The following SLCO3A1 variants were observed in gnomAD, a reference collection of about 807,000 sequenced individuals.
The protein encoded by SLCO3A1 is PGE1 transporter.
In SLCO3A1, 27 loss-of-function variants were observed where a neutral mutation model predicts 63.1. That is an observed-to-expected ratio of 0.43 (90% confidence interval 0.32 to 0.59). The LOEUF is 0.59. Ranked by LOEUF, SLCO3A1 falls within the 20% of genes least tolerant of loss-of-function variation. SLCO3A1 has a pLI of 0.09. For missense variants in SLCO3A1, 773 were observed against 945.8 expected (o/e 0.82, Z 2.40); for synonymous variants, 473 against 409.9 (o/e 1.15, Z -1.86).
chr15:91,950,906 G>C lies in SLCO3A1; in HGVS notation c.646+34448G>C, dbSNP rs1478443672. 6.8e-6 allele frequency among the ~76,000 whole-genome samples: 1 copy of C among 147,924 alleles called. No homozygotes were observed. Among genetic ancestry groups the C allele is most frequent in the Non-Finnish European group, 1.5e-5 (1 of 66,600 alleles). ...GGTGGCTTATATCCAATCTGAGAAA[G>C]AAAGAAAAAAAAAAAAGTATTTCTC... On this transcript the variant is annotated intron_variant, in intron 2 of 9. Transcript: ENST00000318445. This position sits in a 1 kb window ranked among gnomAD's most constrained non-coding sequence, Gnocchi z 4.4.
chr15:91,888,295 G>A (rs1320067826), intron 1 of SLCO3A1, among the ~76,000 whole-genome samples: 1 of 152,174 alleles, frequency 6.6e-6, no homozygotes, highest in African/African-American at 2.4e-5. Context: ...AGACTGGCCC[G>A]TCGAATCAGT....
In SLCO3A1 at chr15:91,929,625, T is replaced by C. The variant is rs554539263; in HGVS notation, c.646+13167T>C. Among the ~76,000 whole-genome samples, 6 of 152,344 alleles carry C rather than the reference T, an allele frequency of 3.9e-5. No individual in the cohort carries two copies. In the East Asian group the frequency reaches 1.2e-3, roughly 29 times the overall value. ...TTTGATAGTGTTAAGCACATTCACA[T>C]TGTTGTGCAACAGATGTCCAGAACA... On this transcript the variant is annotated intron_variant, in intron 2 of 9. Transcript: ENST00000318445.
chr15:92,082,411 A>G (rs1447805764), intron 2 of SLCO3A1, among the ~76,000 whole-genome samples: 3 of 152,196 alleles, frequency 2.0e-5, no homozygotes, highest in Non-Finnish European at 4.4e-5. Context: ...AAGGATGTTC[A>G]AGCAGCCTGG....
chr15:92,140,543 C>A (rs1029605019), intron 7 of SLCO3A1, among the ~76,000 whole-genome samples: 23 of 152,214 alleles, frequency 1.5e-4, no homozygotes, highest in African/African-American at 5.5e-4. Flanking sequence ...TGTTGACTTT[C>A]TGTCTCGTTG....
Position 91,968,694 on chromosome 15 carries a change from C to A in SLCO3A1, c.646+52236C>A, listed in dbSNP as rs1309512962. ...GACAGAGAAAGGGTGCACACGCAGA[C>A]CCGCAAGCACAGCCTTCGCACGTGT... is the stretch of plus-strand genomic sequence containing the variant. On this transcript the variant is annotated intron_variant, in intron 2 of 9. Transcript: ENST00000318445. The surrounding 1 kb of genome is among the most constrained non-coding windows in gnomAD (Gnocchi z 4.2). Among the ~76,000 whole-genome samples the A allele has an allele frequency of 6.6e-6, 1 of 152,220 alleles. No individual in the cohort carries two copies. The highest frequency in any genetic ancestry group is 1.5e-5 in the Non-Finnish European group (1 of 68,040).
chr15:92,069,077 T>G (rs2047184628), intron 2 of SLCO3A1, among the ~76,000 whole-genome samples: 1 of 151,412 alleles, frequency 6.6e-6, no homozygotes, highest in Non-Finnish European at 1.5e-5. Context: ...TCAGTGCTTC[T>G]CATTCAAGGG....
intron 2 of SLCO3A1, among the ~76,000 whole-genome samples, chr15:92,087,950 A>T (rs530965653): frequency 8.3e-4 from 126 of 152,314 alleles, no homozygotes; most frequent in African/African-American, 2.8e-3. Flanking sequence ...CCCTTCTTGT[A>T]GACTTAGTGA....
intron 2 of SLCO3A1, among the ~76,000 whole-genome samples, chr15:92,020,238 C>CTA (rs71465724): frequency 0.019 from 1,849 of 98,318 alleles, 29 homozygotes; most frequent in African/African-American, 0.071. Context: ...CACACACACA[C>CTA]TATATATATA....
At position 91,916,229 on chromosome 15, in the gene SLCO3A1, G is replaced by A. The variant is rs1035601884; in HGVS notation, c.417G>A (p.Glu139=). The change falls in exon 2 of 10, where the codon GAG becomes GAA. Residue 139 remains glutamate (E), a synonymous_variant. Coordinates refer to ENST00000318445, the MANE Select transcript of SLCO3A1 (RefSeq NM_013272.4). This position sits in a 1 kb window ranked among gnomAD's most constrained non-coding sequence, Gnocchi z 6.2. ...ACCAGTACAAGTACGAGGCGGGCGA[G>A]ATCCGCTGGGGCGCCGAGGGCCGCG... ...LTHQYKYEAG[E]IRWGAEGRDV... is the part of the protein sequence containing the mutation. The A allele has an allele frequency of 3.2e-6, 5 of 1,573,692 alleles. No individual in the cohort carries two copies. In the Admixed American group the frequency reaches 7.4e-5, roughly 23 times the overall value.
chr15:92,156,270 A>AT (rs1346325162), intron 9 of SLCO3A1, among the ~76,000 whole-genome samples: 8 of 151,936 alleles, frequency 5.3e-5, no homozygotes, highest in Admixed American at 5.2e-4. Context: ...TGCATGGAAG[A>AT]CCCCTTCCAC....
chr15:92,024,901 C>G (rs2046552569), intron 2 of SLCO3A1, among the ~76,000 whole-genome samples: 1 of 152,108 alleles, frequency 6.6e-6, no homozygotes, highest in African/African-American at 2.4e-5. Context: ...GTCTACCTAC[C>G]CATCCATCCT....
At chr15:92,144,243 A>G (rs766015087) in intron 7 of SLCO3A1, among the ~76,000 whole-genome samples, 2 of 152,184 alleles carry the variant, frequency 1.3e-5, no homozygotes, top group Non-Finnish European at 2.9e-5. Flanking sequence ...TTAGAAACAC[A>G]TATACATGAT....
intron 2 of SLCO3A1, among the ~76,000 whole-genome samples, chr15:91,936,935 A>G (rs1899433766): frequency 6.6e-6 from 1 of 152,218 alleles, no homozygotes; most frequent in Non-Finnish European, 1.5e-5. Context: ...TATGGGGCAC[A>G]TAAGGCTTTC....
At chr15:92,126,437 C>T (rs989121528) in intron 6 of SLCO3A1, among the ~76,000 whole-genome samples, 178 bp downstream of exon 6, 1 of 152,170 alleles carries the variant, frequency 6.6e-6, no homozygotes, top group African/African-American at 2.4e-5. Flanking sequence ...GCTGAGAAAG[C>T]AGACCTTTCC....
intron 4 of SLCO3A1, among the ~76,000 whole-genome samples, chr15:92,111,437 T>G (rs1021409804): frequency 1.3e-5 from 2 of 152,202 alleles, no homozygotes; most frequent in African/African-American, 4.8e-5. Context: ...TTCCTGTGTG[T>G]GGATTTCCTG....
chr15:91,907,309 A>C (rs1266852703), intron 1 of SLCO3A1, among the ~76,000 whole-genome samples: 3 of 151,712 alleles, frequency 2.0e-5, no homozygotes, highest in African/African-American at 7.3e-5. Flanking sequence ...GGGTTCAAGC[A>C]ATTCTCCTGC....
intron 2 of SLCO3A1, among the ~76,000 whole-genome samples, chr15:91,959,562 T>G (rs1193928730): frequency 2.0e-5 from 3 of 151,356 alleles, no homozygotes; most frequent in South Asian, 2.1e-4. Context: ...AAACCCCATC[T>G]CTCCTAAAAA....
At chr15:92,160,425 A>G (rs1312202308) in intron 9 of SLCO3A1, among the ~76,000 whole-genome samples, 2 of 152,118 alleles carry the variant, frequency 1.3e-5, no homozygotes, top group Admixed American at 1.3e-4. Flanking sequence ...CAGGGAAAAC[A>G]CACAGGGTTG....
chr15:91,938,479 T>TTG (rs1273343330), intron 2 of SLCO3A1, among the ~76,000 whole-genome samples: 2 of 130,428 alleles, frequency 1.5e-5, no homozygotes, highest in African/African-American at 6.3e-5. Context: ...ATTGGTTTTT[T>TTG]TTGTTTTTTT....
Sources: gnomAD v4.1 joint callset for allele counts (sites outside exome capture counted in the v4.1 genomes callset) on GRCh38, gnomAD v4.1.1 for gene constraint, Gnocchi (gnomAD v3.1) non-coding constraint, MANE v1.5 for transcripts, NCBI Gene and HGNC (gene_info 2026-07-23, HGNC 2026-07-21) for gene names.